TCF7L1: variants seen among roughly 807,000 people sequenced by gnomAD.
TCF7L1 encodes transcription factor 7-like 1.
TCF7L1 carries 18 observed loss-of-function variants against 63.7 expected under a neutral mutation model. The ratio of observed to expected loss-of-function variants is 0.28; its 90% confidence interval spans 0.20 to 0.42. The LOEUF is 0.42. TCF7L1 is among the 10% of genes least tolerant of loss of function. The pLI, the probability that TCF7L1 is intolerant of heterozygous loss-of-function variation, is 1.00. For missense variants in TCF7L1, 654 were observed against 779.3 expected, an observed-to-expected ratio of 0.84 and a Z score of 1.91; for synonymous variants, 355 against 340.9, an observed-to-expected ratio of 1.04 and a Z score of -0.46.
chr2:85,299,734 C>T (rs1267059304), intron 4 of TCF7L1, among the ~76,000 whole-genome samples: 1 of 151,768 alleles, frequency 6.6e-6, no homozygotes, highest in Non-Finnish European at 1.5e-5. Context: ...CAGTGCGCAT[C>T]TGTAGTCCCA....
intron 3 of TCF7L1, among the ~76,000 whole-genome samples, chr2:85,142,499 C>T (rs1297183690): frequency 7.1e-5 from 10 of 141,464 alleles, no homozygotes; most frequent in African/African-American, 1.9e-4. Context: ...TATATATATA[C>T]ACACACACAC....
intron 3 of TCF7L1, among the ~76,000 whole-genome samples, chr2:85,211,511 C>T (rs1679539460): frequency 6.6e-6 from 1 of 152,216 alleles, no homozygotes; most frequent in Admixed American, 6.5e-5. Flanking sequence ...GTAAGTCTAT[C>T]CCTGTGCCTT....
chr2:85,291,997 T>G (rs1681727874), intron 4 of TCF7L1, among the ~76,000 whole-genome samples: 1 of 6,616 alleles, frequency 1.5e-4, no homozygotes, highest in Non-Finnish European at 2.1e-4. Flanking sequence ...ATATGTATTT[T>G]TTTTTTTTTT....
intron 3 of TCF7L1, among the ~76,000 whole-genome samples, chr2:85,161,569 A>C (rs1183442919): frequency 6.6e-6 from 1 of 152,212 alleles, no homozygotes. Context: ...TGCTGTTGGC[A>C]GAGGATGAAC....
At chr2:85,252,307 T>C (rs749333024) in intron 3 of TCF7L1, among the ~76,000 whole-genome samples, 5 of 152,220 alleles carry the variant, frequency 3.3e-5, no homozygotes, top group Admixed American at 6.5e-5. Context: ...TTTGAAGCCA[T>C]ATTCATGGCA....
intron 10 of TCF7L1, among the ~76,000 whole-genome samples, chr2:85,307,420 G>A (rs1346790459): frequency 6.6e-6 from 1 of 152,136 alleles, no homozygotes; most frequent in Non-Finnish European, 1.5e-5. Flanking sequence ...AAGAAGGCCT[G>A]GACACCCGAC....
intron 3 of TCF7L1, among the ~76,000 whole-genome samples, chr2:85,211,660 C>T (rs994089769): frequency 3.9e-5 from 6 of 152,206 alleles, no homozygotes; most frequent in Non-Finnish European, 8.8e-5. Context: ...CAGGCCACAG[C>T]AGGGGAGACC....
chr2:85,178,141 C>T (rs550535069), intron 3 of TCF7L1, among the ~76,000 whole-genome samples: 30 of 152,152 alleles, frequency 2.0e-4, no homozygotes, highest in Non-Finnish European at 3.8e-4. Flanking sequence ...CTCCCAGAGA[C>T]GTCTCCATGG....
At chr2:85,218,182 G>GT (rs1341585213) in intron 3 of TCF7L1, among the ~76,000 whole-genome samples, 1 of 151,908 alleles carries the variant, frequency 6.6e-6, no homozygotes, top group East Asian at 1.9e-4. Context: ...AACTCTAGGT[G>GT]TTTTTGATTT....
intron 3 of TCF7L1, among the ~76,000 whole-genome samples, chr2:85,258,548 C>G (rs1680778985): frequency 6.6e-6 from 1 of 152,180 alleles, no homozygotes; most frequent in Admixed American, 6.5e-5. Flanking sequence ...AGATCAGGCT[C>G]TCTTACCACC....
intron 3 of TCF7L1, among the ~76,000 whole-genome samples, chr2:85,178,425 C>T (rs2104246401): frequency 6.6e-6 from 1 of 152,264 alleles, no homozygotes; most frequent in African/African-American, 2.4e-5. Context: ...TCTATCTCCC[C>T]TTAATTCACA....
intron 3 of TCF7L1, among the ~76,000 whole-genome samples, chr2:85,171,223 A>T (rs1318977503): frequency 6.6e-6 from 1 of 152,140 alleles, no homozygotes; most frequent in African/African-American, 2.4e-5. Context: ...CATGGGAAAG[A>T]CCTGCCATCA....
chr2:85,227,452 T>A (rs1039661408), intron 3 of TCF7L1, among the ~76,000 whole-genome samples: 1 of 151,216 alleles, frequency 6.6e-6, no homozygotes, highest in Non-Finnish European at 1.5e-5. Context: ...TTTTTTTTTT[T>A]AACCAAGTAA....
rs1359856705 is a variant in TCF7L1 at position 85,310,159 on chromosome 2, C to T, written c.*697C>T. 1 of 152,666 alleles carries T rather than the reference C, an allele frequency of 6.6e-6. No homozygotes were observed. Among genetic ancestry groups the T allele is most frequent in the African/African-American group, 2.4e-5 (1 of 41,464 alleles). The allele number at this position is 152,666 out of a possible 1,614,324, so 9.5% of individuals were successfully genotyped here. On this transcript the variant is annotated 3_prime_UTR_variant, in exon 12 of 12. Coordinates refer to ENST00000282111, the MANE Select transcript of TCF7L1 (RefSeq NM_031283.3). Reference sequence around the variant, plus strand: ...CCGTCCTTGCCAGTGGCGATCATCCCTTCACAATCCCAGAGTGGCAGGCGG... The same window carrying T: ...CCGTCCTTGCCAGTGGCGATCATCCTTTCACAATCCCAGAGTGGCAGGCGG...
At chr2:85,297,222 T>C (rs1197614682) in intron 4 of TCF7L1, among the ~76,000 whole-genome samples, 1 of 152,108 alleles carries the variant, frequency 6.6e-6, no homozygotes, top group Non-Finnish European at 1.5e-5. Flanking sequence ...CTCAGAAACA[T>C]ACCATTGCTC....
chr2:85,150,791 C>T (rs1677992197), intron 3 of TCF7L1, among the ~76,000 whole-genome samples: 2 of 152,088 alleles, frequency 1.3e-5, no homozygotes, highest in African/African-American at 4.8e-5. Context: ...TGTAATTAAT[C>T]AGTACTTTAT....
At chr2:85,308,618 C>T (rs1206632909) in intron 11 of TCF7L1, among the ~76,000 whole-genome samples, 2 of 151,426 alleles carry the variant, frequency 1.3e-5, no homozygotes, top group Non-Finnish European at 2.9e-5. Context: ...TAGGAGCGCA[C>T]ATGAGTGGAA....
At chr2:85,277,421 G>GTGTA (rs1215290334) in intron 3 of TCF7L1, among the ~76,000 whole-genome samples, 1 of 152,112 alleles carries the variant, frequency 6.6e-6, no homozygotes, top group Non-Finnish European at 1.5e-5. Context: ...CGGAGTTTGG[G>GTGTA]TGTAGCCTTG....
intron 3 of TCF7L1, among the ~76,000 whole-genome samples, chr2:85,202,836 CTT>C (rs1679304173): frequency 6.6e-6 from 1 of 152,052 alleles, no homozygotes; most frequent in Non-Finnish European, 1.5e-5. Flanking sequence ...CCTCCGAACT[CTT>C]TTTCTTTTTT....
Sources: gnomAD v4.1 joint callset for allele counts (sites outside exome capture counted in the v4.1 genomes callset) on GRCh38, gnomAD v4.1.1 for gene constraint, MANE v1.5 for transcripts, NCBI Gene and HGNC (gene_info 2026-07-23, HGNC 2026-07-21) for gene names.